The following MAD2L1BP variants were observed in gnomAD, a reference collection of about 807,000 sequenced individuals.
MAD2L1BP encodes MAD2L1 binding protein.
MAD2L1BP carries 22 observed loss-of-function variants against 28.4 expected under a neutral mutation model. That is an observed-to-expected ratio of 0.77 (90% CI 0.55 to 1.10). The LOEUF (loss-of-function observed/expected upper bound fraction) is 1.10. MAD2L1BP is among the 50% of genes least tolerant of loss of function. MAD2L1BP has a pLI of 0.00. For synonymous variants in MAD2L1BP, 146 were observed against 133.7 expected, an observed-to-expected ratio of 1.09 and a Z score of -0.63; for missense variants, 325 against 350.5, an observed-to-expected ratio of 0.93 and a Z score of 0.58.
In MAD2L1BP at chr6:43,640,643, G is replaced by T; in HGVS notation, c.*110G>T. 8.1e-7 allele frequency: 1 copy of T among 1,235,200 alleles called. No homozygotes were observed. 76.5% of individuals were successfully genotyped at this position (1,235,200 alleles called of 1,614,324 possible). ...GAGTTGCTTCCTGGTGAGAGAGGAA[G>T]CAACTCTCCTTCTGGTTGTCTGCCT... On this transcript the variant is annotated 3_prime_UTR_variant, in exon 3 of 3. Coordinates refer to ENST00000372171, the MANE Select transcript of MAD2L1BP (RefSeq NM_014628.3).
Position 43,640,348 on chromosome 6 carries a change from A to C in MAD2L1BP, c.640A>C (p.Met214Leu), listed in dbSNP as rs1215760656. The C allele has an allele frequency of 6.2e-7, 1 of 1,613,806 alleles. No homozygotes were observed. The highest frequency in any genetic ancestry group is 1.3e-5 in the African/African-American group (1 of 74,920). ...TCCTCCACTCATGGGCACCGTCGTC[A>C]TGGCACAGGGACACCGCAACTGTGG... The part of the protein sequence containing the change: ...QAPPLMGTVV[M>L]AQGHRNCGED... Residue 214 changes from methionine to leucine, a missense_variant, in exon 3 of 3, where the codon ATG (methionine) becomes CTG (leucine). Met to Leu is a conservative substitution (Grantham distance 15). Coordinates refer to ENST00000372171, the MANE Select transcript of MAD2L1BP (RefSeq NM_014628.3).
intron 2 of MAD2L1BP, among the ~76,000 whole-genome samples, chr6:43,638,451 C>T (rs1327421030): frequency 1.3e-5 from 2 of 152,028 alleles, no homozygotes; most frequent in Admixed American, 1.3e-4. Context: ...TTGTTTTGTT[C>T]TGGACTTTGA....
chr6:43,629,802 A>G, intron 1 of MAD2L1BP: 2 of 1,560,208 alleles, frequency 1.3e-6, no homozygotes, highest in Non-Finnish European at 8.7e-7. Context: ...GCGGAGGCGG[A>G]TGGTGATTAG....
chr6:43,639,936 G>C (rs568278434), intron 2 of MAD2L1BP, 85 bp from the exon 3 acceptor site: 1 of 1,264,200 alleles, frequency 7.9e-7, no homozygotes, highest in Non-Finnish European at 1.1e-6. Flanking sequence ...GTAAGTCTAT[G>C]TACACATCCC....
In MAD2L1BP at chr6:43,640,014, C is replaced by T. The variant is rs1770477457; in HGVS notation, c.313-7C>T. ...TTCTTCTCTCCCACCATTCTTTGTC[C>T]TCACAGGCAGAGGAGATGCTGAAGA... On this transcript the variant is annotated splice_polypyrimidine_tract_variant and splice_region_variant and intron_variant, in intron 2 of 2. Coordinates refer to ENST00000372171, the MANE Select transcript of MAD2L1BP (RefSeq NM_014628.3). 2 of 1,515,278 alleles carry T rather than the reference C, an allele frequency of 1.3e-6. No homozygotes were observed. The highest frequency in any genetic ancestry group is 1.8e-6 in the Non-Finnish European group (2 of 1,129,982). 93.9% of individuals were successfully genotyped at this position (1,515,278 alleles called of 1,614,324 possible).
At chr6:43,638,086 CAG>C (rs1171074801) in intron 2 of MAD2L1BP, among the ~76,000 whole-genome samples, 8 of 152,006 alleles carry the variant, frequency 5.3e-5, no homozygotes, top group Non-Finnish European at 7.3e-5. Flanking sequence ...TTAGTAGAGA[CAG>C]GGTATCGCAA....
chr6:43,636,808 C>A, intron 2 of MAD2L1BP, 162 bp downstream of exon 2: 1 of 784,192 alleles, frequency 1.3e-6, no homozygotes, highest in Non-Finnish European at 2.0e-6. Context: ...TAGCCTAACC[C>A]TTCTGGCTTT....
At chr6:43,632,011 T>C (rs1769951277), upstream of MAD2L1BP, among the ~76,000 whole-genome samples, 1 of 152,054 alleles carries the variant, frequency 6.6e-6, no homozygotes, top group Admixed American at 6.6e-5. Context: ...GCGATTCTCC[T>C]GCCTCAGCCT....
exon 1 of MAD2L1BP, chr6:43,629,752 G>T: frequency 6.4e-7 from 1 of 1,556,126 alleles, no homozygotes; most frequent in Non-Finnish European, 8.7e-7. Flanking sequence ...CTTCCCCTAT[G>T]GCCCGCGTGC....
chr6:43,632,476 T>C (rs1272006712), upstream of MAD2L1BP, among the ~76,000 whole-genome samples: 1 of 151,066 alleles, frequency 6.6e-6, no homozygotes, highest in Admixed American at 6.6e-5. Context: ...AGGCCGGTCT[T>C]GAACTCCTGG....
chr6:43,637,086 C>CA (rs1409131478), intron 2 of MAD2L1BP, among the ~76,000 whole-genome samples: 2 of 151,814 alleles, frequency 1.3e-5, no homozygotes, highest in African/African-American at 2.4e-5. Context: ...TGTTTTGAGA[C>CA]AGAGTCTCTC....
chr6:43,637,168 G>A (rs934404139), intron 2 of MAD2L1BP, among the ~76,000 whole-genome samples: 27 of 152,152 alleles, frequency 1.8e-4, no homozygotes, highest in African/African-American at 5.8e-4. Context: ...AGGTTCAAGC[G>A]ATTCTCATGC....
chr6:43,632,293 C>A (rs1380516448), upstream of MAD2L1BP, among the ~76,000 whole-genome samples: 2 of 140,868 alleles, frequency 1.4e-5, no homozygotes, highest in African/African-American at 5.5e-5. Flanking sequence ...GTAGGGTCTC[C>A]TTCTGTCACC....
rs1267181390 is a variant in MAD2L1BP at position 43,640,046 on chromosome 6, C to T, written c.338C>T (p.Pro113Leu). The change falls in exon 3 of 3, where the codon CCT becomes CTT. Residue 113 changes from proline (P) to leucine (L), a missense_variant. Physicochemically the swap from Pro to Leu is moderately conservative, Grantham distance 98. Coordinates refer to ENST00000372171, the MANE Select transcript of MAD2L1BP (RefSeq NM_014628.3). ...GCAGAGGAGATGCTGAAGAAGAAAC[C>T]TCGGGCCACCACTGAGGTGAGCAGC... ...PQAEEMLKKK[P>L]RATTEVSSRK... The T allele has an allele frequency of 6.5e-7, 1 of 1,532,908 alleles. No individual in the cohort carries two copies. Among genetic ancestry groups the T allele is most frequent in the East Asian group, 2.3e-5 (1 of 43,812 alleles). 95.0% of individuals were successfully genotyped at this position (1,532,908 alleles called of 1,614,324 possible). A position where few individuals can be genotyped will look rare whatever the true frequency, so the allele number is the denominator to read the frequency against.
intron 1 of MAD2L1BP, among the ~76,000 whole-genome samples, chr6:43,630,381 C>A (rs559112556): frequency 1.3e-5 from 2 of 152,176 alleles, no homozygotes; most frequent in Non-Finnish European, 2.9e-5. Context: ...ATGACTCAGA[C>A]CACTCACAGT....
chr6:43,634,199 C>A (rs1191242325), upstream of MAD2L1BP, among the ~76,000 whole-genome samples: 1 of 150,016 alleles, frequency 6.7e-6, no homozygotes, highest in Non-Finnish European at 1.5e-5. Context: ...TTTCCTCCAT[C>A]CTTTTTTTTT....
upstream of MAD2L1BP, among the ~76,000 whole-genome samples, chr6:43,634,229 T>TC (rs1374463674): frequency 4.1e-5 from 6 of 145,490 alleles, no homozygotes; most frequent in African/African-American, 1.6e-4. Context: ...TCTTTTTTTT[T>TC]TTTTTTTTGA....
chr6:43,630,908 C>CAAAA (rs753239311), upstream of MAD2L1BP, among the ~76,000 whole-genome samples: 2,266 of 50,666 alleles, frequency 0.045, 177 homozygotes, highest in African/African-American at 0.14. Context: ...GACTTCGTCT[C>CAAAA]AAAAAAAAAA....
Position 43,640,489 on chromosome 6 carries a change from A to G in MAD2L1BP, c.781A>G (p.Ile261Val). Reference protein sequence around the residue: ...SIRTTAWEDYIWFQAPVTFKG... With the variant: ...SIRTTAWEDYVWFQAPVTFKG... ...CCGAACCACGGCTTGGGAAGACTACATTTGGTTCCAGGCACCAGTGACATT... is the reference window on the plus strand; with the variant it reads ...CCGAACCACGGCTTGGGAAGACTACGTTTGGTTCCAGGCACCAGTGACATT... Residue 261 changes from isoleucine (I) to valine (V), a missense_variant, in exon 3 of 3, where the codon ATT (isoleucine) becomes GTT (valine). Coordinates refer to ENST00000372171, the MANE Select transcript of MAD2L1BP (RefSeq NM_014628.3). 3 of 1,609,052 alleles carry G rather than the reference A, an allele frequency of 1.9e-6. No homozygotes were observed. Among genetic ancestry groups the G allele is most frequent in the Non-Finnish European group, 2.5e-6 (3 of 1,177,710 alleles).
Sources: allele counts gnomAD v4.1 joint callset (sites outside exome capture counted in the v4.1 genomes callset), GRCh38; gene constraint gnomAD v4.1.1; transcripts MANE v1.5; gene names NCBI Gene and HGNC (gene_info 2026-07-23, HGNC 2026-07-21).